The following ZNF93 variants were observed in gnomAD, a reference collection of about 807,000 sequenced individuals.
The protein encoded by ZNF93 is zinc finger protein 93.
A neutral mutation model predicts 45.0 loss-of-function variants in ZNF93; 29 were observed. The observed-to-expected ratio is 0.64, with a 90% CI of 0.48 to 0.88. The LOEUF (loss-of-function observed/expected upper bound fraction) is 0.88, where lower values mean the gene tolerates loss of function less well. ZNF93 is among the 40% of genes least tolerant of loss of function. ZNF93 has a pLI of 0.00. For missense variants in ZNF93, 578 were observed against 724.0 expected, an observed-to-expected ratio of 0.80 and a Z score of 2.31; for synonymous variants, 223 against 244.6, an observed-to-expected ratio of 0.91 and a Z score of 0.82.
At chr19:19,925,014 G>A (rs1446215708) in intron 3 of ZNF93, among the ~76,000 whole-genome samples, 2 of 152,206 alleles carry the variant, frequency 1.3e-5, no homozygotes, top group African/African-American at 4.8e-5. Context: ...CTGCCTACAT[G>A]GCTGTACATG....
At chr19:19,932,349 A>T (rs1377886403) in intron 3 of ZNF93, 1 of 152,606 alleles carries the variant, frequency 6.6e-6, no homozygotes, top group African/African-American at 2.4e-5. Flanking sequence ...CTCAGTACAC[A>T]GTAAATAACT....
intron 3 of ZNF93, among the ~76,000 whole-genome samples, chr19:19,930,344 G>A (rs147907844): frequency 0.011 from 1,732 of 152,310 alleles, 18 homozygotes; most frequent in Middle Eastern, 0.027. Context: ...GACTAGGAGC[G>A]TGACCACTGA....
intron 3 of ZNF93, chr19:19,927,391 T>G: frequency 2.6e-6 from 1 of 391,832 alleles, no homozygotes. Context: ...ATGTTAAGTA[T>G]ATTCACATTG....
chr19:19,916,168 G>A (rs998338657), intron 2 of ZNF93, among the ~76,000 whole-genome samples: 1 of 150,838 alleles, frequency 6.6e-6, no homozygotes, highest in Non-Finnish European at 1.5e-5. Flanking sequence ...CCAGGTTCAA[G>A]CAATTCTCCT....
At chr19:19,906,379 G>A (rs1015173737) in intron 1 of ZNF93, among the ~76,000 whole-genome samples, 1 of 151,962 alleles carries the variant, frequency 6.6e-6, no homozygotes, top group African/African-American at 2.4e-5. Context: ...TTTTTAATGA[G>A]GTTGTTTGGT....
chr19:19,933,202 C>G lies in ZNF93; in HGVS notation c.247C>G (p.Gln83Glu), dbSNP rs2122199003. The G allele has an allele frequency of 6.5e-7, 1 of 1,534,092 alleles. No individual in the cohort carries two copies. The highest frequency in any genetic ancestry group is 1.4e-5 in the African/African-American group (1 of 72,122). Residue 83 changes from glutamine to glutamate, a missense_variant, in exon 4 of 4, where the codon CAA becomes GAA. Transcript: ENST00000343769. The part of the protein sequence containing the change: ...NPSVICSHFA[Q>E]DLWPEQNIKD... Reference sequence around the variant, plus strand: ...TTCAGTTATATGTTCTCATTTTGCCCAAGATCTTTGGCCAGAGCAGAACAT... The same window carrying G: ...TTCAGTTATATGTTCTCATTTTGCCGAAGATCTTTGGCCAGAGCAGAACAT...
intron 3 of ZNF93, among the ~76,000 whole-genome samples, chr19:19,922,959 T>A (rs2063346051): frequency 6.6e-6 from 1 of 152,232 alleles, no homozygotes; most frequent in African/African-American, 2.4e-5. Context: ...TCCATTCAGC[T>A]TTGTTCCATT....
chr19:19,932,563 T>C (rs1568513919), intron 3 of ZNF93: 1 of 152,256 alleles, frequency 6.6e-6, no homozygotes, highest in Non-Finnish European at 1.5e-5. Context: ...CCTGTACTTT[T>C]GTGTCTACTG....
At position 19,912,480 on chromosome 19, in the gene ZNF93, A is replaced by G. The variant is rs376803850; in HGVS notation, c.4-2800A>G. 5.6e-4 allele frequency among the ~76,000 whole-genome samples: 86 copies of G among 152,288 alleles called. 1 individual carries two copies. The highest frequency in any genetic ancestry group is 2.0e-3 in the African/African-American group (82 of 41,560). Reference sequence around the variant, plus strand: ...GAAATTCAAAAGCAGATAAATCGGGAAAAAAAGTATGTTTTGTAAGGTGTT... The same window carrying G: ...GAAATTCAAAAGCAGATAAATCGGGGAAAAAAGTATGTTTTGTAAGGTGTT... On this transcript the variant is annotated intron_variant, in intron 1 of 3. Transcript: ENST00000343769.
chr19:19,933,850 A>G lies in ZNF93; in HGVS notation c.895A>G (p.Thr299Ala). The G allele has an allele frequency of 1.2e-6, 2 of 1,612,980 alleles. No homozygotes were observed. The highest frequency in any genetic ancestry group is 1.1e-5 in the South Asian group (1 of 91,004). The change falls in exon 4 of 4, where the codon ACA (threonine) becomes GCA (alanine). Residue 299 changes from threonine (T) to alanine (A), a missense_variant. Around this residue, in one of 3 missense-constraint regions of ZNF93, gnomAD observed 446 missense variants for 547.6 expected, o/e 0.81. Coordinates refer to ENST00000343769, the MANE Select transcript of ZNF93 (RefSeq NM_031218.4). ...ECGKAFNQSS[T>A]LTKHKKIHTG... ...TGGCAAAGCTTTTAACCAATCCTCA[A>G]CACTTACTAAACATAAGAAAATTCA...
At chr19:19,908,687 A>G (rs2063299339) in intron 1 of ZNF93, 2 of 152,018 alleles carry the variant, frequency 1.3e-5, no homozygotes, top group Non-Finnish European at 2.9e-5. Context: ...TACTAAAAAT[A>G]CAAAAATTAG....
At chr19:19,901,980 C>G (rs1219306612) in intron 1 of ZNF93, among the ~76,000 whole-genome samples, 1 of 152,076 alleles carries the variant, frequency 6.6e-6, no homozygotes, top group Non-Finnish European at 1.5e-5. Flanking sequence ...ATCCCAGCTA[C>G]TTGGGAGGCT....
chr19:19,913,431 A>G (rs1291856491), intron 1 of ZNF93, among the ~76,000 whole-genome samples: 2 of 152,068 alleles, frequency 1.3e-5, no homozygotes, highest in Non-Finnish European at 2.9e-5. Flanking sequence ...ATCAAGTATA[A>G]GGGCTTTAAA....
chr19:19,924,296 G>A (rs2063350203), intron 3 of ZNF93, among the ~76,000 whole-genome samples: 1 of 152,056 alleles, frequency 6.6e-6, no homozygotes, highest in Admixed American at 6.6e-5. Flanking sequence ...TCACCATGTT[G>A]GTAAGGCTGG....
At chr19:19,917,345 A>G (rs956275785) in intron 3 of ZNF93, among the ~76,000 whole-genome samples, 16 of 152,016 alleles carry the variant, frequency 1.1e-4, no homozygotes, top group Non-Finnish European at 1.8e-4. Flanking sequence ...TCTTCAAGTT[A>G]TAGACATAAA....
rs1226472980 is a variant in ZNF93 at position 19,920,157 on chromosome 19, TGAAG to T, written c.226+3504_226+3507del. Among the ~76,000 whole-genome samples, 3 of 152,336 alleles carry T rather than the reference TGAAG, an allele frequency of 2.0e-5. No homozygotes were observed. In the East Asian group the frequency reaches 5.8e-4, roughly 29 times the overall value. On this transcript the variant is annotated intron_variant, in intron 3 of 3. Coordinates refer to ENST00000343769, the MANE Select transcript of ZNF93 (RefSeq NM_031218.4). ...CCTAATTTATTGAGAGTTTTTAGCATGAAGGGCTGTTGAATTTTGTCAAAGGCCT... is the reference window on the plus strand; with the variant it reads ...CCTAATTTATTGAGAGTTTTTAGCATGGCTGTTGAATTTTGTCAAAGGCCT...
chr19:19,912,124 G>A (rs985177879), intron 1 of ZNF93, among the ~76,000 whole-genome samples: 11 of 152,044 alleles, frequency 7.2e-5, no homozygotes, highest in Non-Finnish European at 1.0e-4. Context: ...AAAACCTTAA[G>A]GGATTTGTTT....
Position 19,934,163 on chromosome 19 carries a change from G to A in ZNF93, c.1208G>A (p.Gly403Asp), listed in dbSNP as rs1163196365. 1 of 1,611,892 alleles carries A rather than the reference G, an allele frequency of 6.2e-7. No homozygotes were observed. Among genetic ancestry groups the A allele is most frequent in the Admixed American group, 1.7e-5 (1 of 58,798 alleles). ...GEKPYKCEEC[G>D]KAFKYSSTLS... ...AAGCCCTACAAATGTGAAGAATGTGGCAAAGCCTTTAAGTACTCCTCTACC... is the reference window on the plus strand; with the variant it reads ...AAGCCCTACAAATGTGAAGAATGTGACAAAGCCTTTAAGTACTCCTCTACC... Residue 403 changes from glycine (G) to aspartate (D), a missense_variant, in exon 4 of 4, where the codon GGC becomes GAC. Physicochemically the swap from Gly to Asp is moderately conservative, Grantham distance 94. This residue lies in a region of ZNF93 where 446 missense variants were observed against 547.6 expected (regional missense o/e 0.81). Coordinates refer to ENST00000343769, the MANE Select transcript of ZNF93 (RefSeq NM_031218.4).
intron 3 of ZNF93, among the ~76,000 whole-genome samples, chr19:19,919,356 C>G (rs113092160): frequency 0.1 from 15,289 of 151,920 alleles, 1,441 homozygotes; most frequent in African/African-American, 0.26. Flanking sequence ...GTTACTGTAG[C>G]CTTGTAGTAT....
Sources: allele counts gnomAD v4.1 joint callset (sites outside exome capture counted in the v4.1 genomes callset), GRCh38; gene constraint gnomAD v4.1.1; regional missense constraint gnomAD v4.1.1; transcripts MANE v1.5; gene names NCBI Gene and HGNC (gene_info 2026-07-23, HGNC 2026-07-21).